The following TM4SF5 variants were observed in gnomAD, a reference collection of about 807,000 sequenced individuals.
TM4SF5 encodes the protein transmembrane 4 L six family member 5.
In TM4SF5, 16 loss-of-function variants were observed where a neutral mutation model predicts 22.3. The ratio of observed to expected loss-of-function variants is 0.72; its 90% confidence interval spans 0.49 to 1.09. The LOEUF is 1.09. TM4SF5 is among the 50% of genes least tolerant of loss of function. The probability of loss-of-function intolerance (pLI) is 0.00; values close to 1 mark genes in which losing one functional copy is unlikely to be tolerated. For synonymous variants in TM4SF5, 113 were observed against 109.6 expected, an observed-to-expected ratio of 1.03 and a Z score of -0.19; for missense variants, 249 against 266.1, an observed-to-expected ratio of 0.94 and a Z score of 0.45.
intron 1 of TM4SF5, among the ~76,000 whole-genome samples, chr17:4,776,077 G>C (rs540046641): frequency 6.6e-6 from 1 of 151,176 alleles, no homozygotes; most frequent in Admixed American, 6.6e-5. Flanking sequence ...TCGCACTCCC[G>C]ACCTCAGGTG....
At chr17:4,782,785 C>T (rs573861505) in intron 3 of TM4SF5, 69 bp from the exon 4 acceptor site, 5 of 1,574,238 alleles carry the variant, frequency 3.2e-6, no homozygotes, top group East Asian at 4.5e-5. Flanking sequence ...TCCCCTGGGA[C>T]GTATTCTTGG....
chr17:4,781,944 A>G (rs1413931696), intron 2 of TM4SF5, among the ~76,000 whole-genome samples: 1 of 149,884 alleles, frequency 6.7e-6, no homozygotes, highest in Non-Finnish European at 1.5e-5. Context: ...CCTACCCCTC[A>G]GGATCATTGA....
intron 1 of TM4SF5, among the ~76,000 whole-genome samples, chr17:4,776,770 G>A (rs1459279524): frequency 2.6e-5 from 4 of 152,164 alleles, no homozygotes; most frequent in South Asian, 2.1e-4. Context: ...AGTATTCAGC[G>A]CTAATAGATA....
In TM4SF5 at chr17:4,776,446, C is replaced by T. The variant is rs370974589; in HGVS notation, c.178-4343C>T. ...CCTCCTGAGTAGCTGGGATTACAGG[C>T]ATGTGCCACCGTGCCCAGTTAATTT... On this transcript the variant is annotated intron_variant, in intron 1 of 4. Transcript: ENST00000270560. Among the ~76,000 whole-genome samples, 8 of 152,206 alleles carry T rather than the reference C, an allele frequency of 5.3e-5. 1 individual carries two copies. The highest frequency in any genetic ancestry group is 5.9e-5 in the Non-Finnish European group (4 of 68,018).
intron 2 of TM4SF5, among the ~76,000 whole-genome samples, chr17:4,782,075 A>G (rs73339956): frequency 1.4e-5 from 2 of 145,704 alleles, no homozygotes; most frequent in Non-Finnish European, 3.0e-5. Flanking sequence ...GTGCAGAAAC[A>G]GAGTCCGAAT....
In TM4SF5 at chr17:4,782,910, T is replaced by A. The variant is rs1917343175; in HGVS notation, c.452T>A (p.Val151Glu). ...LWDRCEAPPR[V>E]VPWNVTLFSL... The stretch of plus-strand genomic sequence containing the variant: ...GATCGGTGCGAGGCGCCCCCTCGCG[T>A]GGTCCCCTGGAATGTGACGCTCTTC... The change falls in exon 4 of 5, where the codon GTG (valine) becomes GAG (glutamate). Residue 151 changes from valine to glutamate, a missense_variant. Val to Glu is a moderately radical substitution (Grantham distance 121). Transcript: ENST00000270560. The A allele has an allele frequency of 2.5e-6, 4 of 1,614,192 alleles. No individual in the cohort carries two copies. The African/African-American group carries it at 4.0e-5, about 16-fold the overall frequency.
intron 1 of TM4SF5, among the ~76,000 whole-genome samples, chr17:4,778,784 G>A (rs529692654): frequency 5.9e-5 from 9 of 152,166 alleles, no homozygotes; most frequent in South Asian, 2.1e-4. Context: ...TTGGCCAGGC[G>A]CGGTGGCTCA....
intron 1 of TM4SF5, among the ~76,000 whole-genome samples, chr17:4,776,177 C>T (rs1425350584): frequency 6.6e-6 from 1 of 152,040 alleles, no homozygotes; most frequent in Admixed American, 6.6e-5. Context: ...CTCCATATTA[C>T]GTTTGTGAGA....
At position 4,780,053 on chromosome 17, in the gene TM4SF5, C is replaced by CTT. The variant is rs1189580424; in HGVS notation, c.178-718_178-717dup. Among the ~76,000 whole-genome samples, 411 of 127,466 alleles carry CTT rather than the reference C, an allele frequency of 3.2e-3. 4 individuals carry two copies. Among genetic ancestry groups the CTT allele is most frequent in the African/African-American group, 0.011 (360 of 34,000 alleles). The allele number at this position is 127,466 out of a possible 152,430, so 83.6% of individuals were successfully genotyped here. On this transcript the variant is annotated intron_variant, in intron 1 of 4. Transcript: ENST00000270560. ...AAATATTGAGTTACTCTGAGCTGGTCTTTTTTTTTTTTTTTTTTTGAGATG... is the reference window on the plus strand; with the variant it reads ...AAATATTGAGTTACTCTGAGCTGGTCTTTTTTTTTTTTTTTTTTTTTGAGATG...
intron 2 of TM4SF5, among the ~76,000 whole-genome samples, chr17:4,781,579 G>C (rs188076672): frequency 5.3e-5 from 8 of 151,206 alleles, no homozygotes; most frequent in Admixed American, 4.6e-4. Context: ...ACAGTGGCAC[G>C]ATCTTGGCTC....
At chr17:4,776,050 T>C (rs956840761) in intron 1 of TM4SF5, among the ~76,000 whole-genome samples, 1 of 151,484 alleles carries the variant, frequency 6.6e-6, no homozygotes, top group African/African-American at 2.4e-5. Context: ...GGTTTCGCCA[T>C]GTTGGTCAGG....
chr17:4,772,044 A>G lies in TM4SF5; in HGVS notation c.122A>G (p.Asn41Ser). 6.2e-7 allele frequency: 1 copy of G among 1,614,152 alleles called. No homozygotes were observed. The highest frequency in any genetic ancestry group is 8.5e-7 in the Non-Finnish European group (1 of 1,180,030). ...GGGGAGACCTCCTGGACCAACACCA[A>G]CCATCTCAGCTTGCAAGTCTGGCTC... is the stretch of plus-strand genomic sequence containing the variant. ...PNGETSWTNT[N>S]HLSLQVWLMG... Residue 41 changes from asparagine (N) to serine (S), a missense_variant, in exon 1 of 5, where the codon AAC (asparagine) becomes AGC (serine). Physicochemically the swap from Asn to Ser is conservative, Grantham distance 46. Coordinates refer to ENST00000270560, the MANE Select transcript of TM4SF5 (RefSeq NM_003963.3).
rs113432149 is a variant in TM4SF5, at chr17:4,782,005, C to T, written c.259-498C>T. 4.3e-3 allele frequency among the ~76,000 whole-genome samples: 651 copies of T among 151,794 alleles called. 5 individuals carry two copies. The highest frequency in any genetic ancestry group is 0.014 in the African/African-American group (578 of 41,376). The stretch of plus-strand genomic sequence containing the variant: ...AAGGGTGGGGTGGGGCCTGGGAGTC[C>T]GCAGAGGAGCTTGTGTAGCTAGGAA... On this transcript the variant is annotated intron_variant, in intron 2 of 4. Coordinates refer to ENST00000270560, the MANE Select transcript of TM4SF5 (RefSeq NM_003963.3).
Position 4,783,192 on chromosome 17 carries a change from A to G in TM4SF5, c.*64A>G. The G allele has an allele frequency of 1.7e-6, 2 of 1,163,870 alleles. No individual in the cohort carries two copies. Among genetic ancestry groups the G allele is most frequent in the Non-Finnish European group, 2.4e-6 (2 of 846,034 alleles). 72.1% of individuals were successfully genotyped at this position (1,163,870 alleles called of 1,614,324 possible). On this transcript the variant is annotated 3_prime_UTR_variant, in exon 5 of 5. Transcript: ENST00000270560. ...GACGCTCACTCCCTTGCTCGCTAGA[A>G]TAAACTGCTTTGCGCTCTCTTCTCT...
chr17:4,780,903 G>A, intron 2 of TM4SF5, 34 bp downstream of exon 2: 1 of 1,591,318 alleles, frequency 6.3e-7, no homozygotes, highest in Non-Finnish European at 8.6e-7. Context: ...TTCAGGGCTG[G>A]GGGTGGTGTC....
In TM4SF5 at chr17:4,775,441, T is replaced by A. The variant is rs978769486; in HGVS notation, c.177+3342T>A. Among the ~76,000 whole-genome samples, 4 of 151,418 alleles carry A rather than the reference T, an allele frequency of 2.6e-5. No individual in the cohort carries two copies. In the Admixed American group the frequency reaches 2.6e-4, roughly 10 times the overall value. ...GCACAGCAAATTTTTTTTTTTTGTA[T>A]TTTTAGTAGAGATGGGGTTTCACCG... On this transcript the variant is annotated intron_variant, in intron 1 of 4. Transcript: ENST00000270560.
chr17:4,781,985 T>TG (rs1917317835), intron 2 of TM4SF5, among the ~76,000 whole-genome samples: 1 of 143,246 alleles, frequency 7.0e-6, no homozygotes, highest in African/African-American at 2.6e-5. Context: ...CAGGGAAGGG[T>TG]GGGGTGGGGC....
rs566145948 is a variant in TM4SF5, at chr17:4,772,741, G to A, written c.177+642G>A. On this transcript the variant is annotated intron_variant, in intron 1 of 4. Transcript: ENST00000270560. ...TTGTTTTTTTTTTTTTTTGAGACAG[G>A]GTCTCTCTCTGTTGCCCAGGCTGGA... is the stretch of plus-strand genomic sequence containing the variant. Among the ~76,000 whole-genome samples, 19 of 150,608 alleles carry A rather than the reference G, an allele frequency of 1.3e-4. No homozygotes were observed. In the East Asian group the frequency reaches 3.7e-3, roughly 29 times the overall value.
intron 1 of TM4SF5, among the ~76,000 whole-genome samples, chr17:4,780,015 T>C (rs1917270810): frequency 6.6e-6 from 1 of 151,904 alleles, no homozygotes; most frequent in Non-Finnish European, 1.5e-5. Flanking sequence ...TTCCTGCTGC[T>C]GAGGGAACTT....
Sources: allele counts gnomAD v4.1 joint callset (sites outside exome capture counted in the v4.1 genomes callset), GRCh38; gene constraint gnomAD v4.1.1; transcripts MANE v1.5; gene names NCBI Gene and HGNC (gene_info 2026-07-23, HGNC 2026-07-21).